ADAMTS6: variants seen among roughly 807,000 people sequenced by gnomAD.
ADAMTS6 encodes A disintegrin and metalloproteinase with thrombospondin motifs 6.
ADAMTS6 carries 23 observed loss-of-function variants against 144.3 expected under a neutral mutation model. That is an observed-to-expected ratio of 0.16 (90% CI 0.11 to 0.23). The LOEUF is 0.23. ADAMTS6 is among the 10% of genes least tolerant of loss of function. ADAMTS6 has a pLI of 1.00. For missense variants in ADAMTS6, 999 were observed against 1,379.6 expected (o/e 0.72, Z 4.37); for synonymous variants, 444 against 457.5 (o/e 0.97, Z 0.38).
intron 7 of ADAMTS6, among the ~76,000 whole-genome samples, chr5:65,433,809 G>A (rs1757180046): frequency 6.6e-6 from 1 of 152,138 alleles, no homozygotes; most frequent in Non-Finnish European, 1.5e-5. Context: ...AATTTCTGGT[G>A]GTAATGTAAA....
intron 7 of ADAMTS6, among the ~76,000 whole-genome samples, chr5:65,429,719 T>TA (rs1756846437): frequency 6.6e-6 from 1 of 152,002 alleles, no homozygotes; most frequent in African/African-American, 2.4e-5. Flanking sequence ...AGTACAGCAT[T>TA]AAAATTAAAT....
chr5:65,360,655 G>A (rs1348050026), intron 7 of ADAMTS6, among the ~76,000 whole-genome samples: 1 of 151,830 alleles, frequency 6.6e-6, no homozygotes, highest in African/African-American at 2.4e-5. Context: ...ATTGTAGATT[G>A]AAGGCAATAT....
rs899739657 is a variant in ADAMTS6, at chr5:65,226,225, C to A, written c.1934-6G>T. The A allele has an allele frequency of 6.2e-7, 1 of 1,611,854 alleles. No homozygotes were observed. Among genetic ancestry groups the A allele is most frequent in the Non-Finnish European group, 8.5e-7 (1 of 1,178,724 alleles). ...TGCACAAGGTTTTACCCCACCTGGA[C>A]AAATACAGTAGAAGAGAAATAAGTG... On this transcript the variant is annotated splice_polypyrimidine_tract_variant and splice_region_variant and intron_variant, in intron 15 of 24. Coordinates refer to ENST00000381055, the MANE Select transcript of ADAMTS6 (RefSeq NM_197941.4).
At chr5:65,388,105 G>C (rs1241371950) in intron 7 of ADAMTS6, among the ~76,000 whole-genome samples, 1 of 152,102 alleles carries the variant, frequency 6.6e-6, no homozygotes, top group Non-Finnish European at 1.5e-5. Flanking sequence ...AGCTATTCGG[G>C]AGGATGAGAC....
At chr5:65,257,674 A>G (rs546244107) in intron 14 of ADAMTS6, among the ~76,000 whole-genome samples, 2 of 152,328 alleles carry the variant, frequency 1.3e-5, no homozygotes, top group East Asian at 3.9e-4. Context: ...CACACTTCTT[A>G]GCCTCTAGGC....
intron 14 of ADAMTS6, among the ~76,000 whole-genome samples, chr5:65,256,961 TTCTCTCTCTC>T (rs55933758): frequency 5.1e-5 from 6 of 118,040 alleles, no homozygotes; most frequent in African/African-American, 7.7e-5. Flanking sequence ...GGGTCACTTT[TTCTCTCTCTC>T]TCTCTCTCTC....
At chr5:65,285,046 G>A (rs1036144066) in intron 11 of ADAMTS6, among the ~76,000 whole-genome samples, 14 of 152,020 alleles carry the variant, frequency 9.2e-5, no homozygotes, top group Non-Finnish European at 2.1e-4. Flanking sequence ...GTGTTTGGAG[G>A]GCAAGAGAAA....
intron 12 of ADAMTS6, among the ~76,000 whole-genome samples, chr5:65,267,439 T>C (rs1470987738): frequency 6.6e-6 from 1 of 152,104 alleles, no homozygotes; most frequent in Non-Finnish European, 1.5e-5. Flanking sequence ...AATCTTATAT[T>C]GTTCATTATT....
intron 7 of ADAMTS6, among the ~76,000 whole-genome samples, chr5:65,408,365 C>T (rs1754755471): frequency 6.6e-6 from 1 of 152,104 alleles, no homozygotes. Flanking sequence ...TCTGATAAAA[C>T]AGACTTTAAA....
chr5:65,275,662 A>AAAGTAAAATAAAAACAAATAAAT (rs1161600005), intron 11 of ADAMTS6, among the ~76,000 whole-genome samples: 1 of 151,866 alleles, frequency 6.6e-6, no homozygotes, highest in African/African-American at 2.4e-5. Flanking sequence ...CCCAGAACTT[A>AAAGTAAAATAAAAACAAATAAAT]AAGTAAAATA....
chr5:65,313,517 A>C (rs1744704363), intron 9 of ADAMTS6, among the ~76,000 whole-genome samples: 1 of 152,052 alleles, frequency 6.6e-6, no homozygotes, highest in African/African-American at 2.4e-5. Flanking sequence ...CCTGACCAAA[A>C]TTTAGTATTT....
chr5:65,469,686 G>A (rs1760285416), intron 3 of ADAMTS6, among the ~76,000 whole-genome samples: 2 of 152,188 alleles, frequency 1.3e-5, no homozygotes, highest in Non-Finnish European at 2.9e-5. Context: ...GACAATTGGA[G>A]CACATTCCTA....
intron 7 of ADAMTS6, among the ~76,000 whole-genome samples, chr5:65,429,941 A>C (rs1391323470): frequency 6.6e-6 from 1 of 152,154 alleles, no homozygotes; most frequent in Non-Finnish European, 1.5e-5. Context: ...CTTAACAATT[A>C]AGGTGTACCA....
chr5:65,188,828 T>G (rs962911487), intron 21 of ADAMTS6, among the ~76,000 whole-genome samples: 1 of 152,210 alleles, frequency 6.6e-6, no homozygotes, highest in East Asian at 1.9e-4. Flanking sequence ...GTAGGTATTT[T>G]TATTATTATC....
At chr5:65,213,816 G>T (rs1005423223) in intron 20 of ADAMTS6, among the ~76,000 whole-genome samples, 4 of 152,042 alleles carry the variant, frequency 2.6e-5, no homozygotes, top group Non-Finnish European at 4.4e-5. Flanking sequence ...AAGGAGTATA[G>T]GTAATGTATT....
chr5:65,150,840 T>G lies in ADAMTS6; in HGVS notation c.*996A>C, dbSNP rs1561224217. 6.6e-6 allele frequency: 1 copy of G among 152,616 alleles called. No individual in the cohort carries two copies. 9.5% of individuals were successfully genotyped at this position (152,616 alleles called of 1,614,324 possible). A position where few individuals can be genotyped will look rare whatever the true frequency, so the allele number is the denominator to read the frequency against. Reference sequence around the variant, plus strand: ...CCGAGCCAGTCTATCTTTTGCATGGTATCATCTCAGTAAGCTCAACACACG... The same window carrying G: ...CCGAGCCAGTCTATCTTTTGCATGGGATCATCTCAGTAAGCTCAACACACG... On this transcript the variant is annotated 3_prime_UTR_variant, in exon 25 of 25. Transcript: ENST00000381055.
At chr5:65,187,937 G>C (rs1386721410) in intron 22 of ADAMTS6, 79 bp downstream of exon 22, 5 of 1,387,278 alleles carry the variant, frequency 3.6e-6, no homozygotes, top group Non-Finnish European at 5.0e-6. Context: ...AGATGTTCAG[G>C]TGTCCTTAAT....
At chr5:65,247,042 T>C (rs888276602) in intron 14 of ADAMTS6, among the ~76,000 whole-genome samples, 53 of 152,166 alleles carry the variant, frequency 3.5e-4, no homozygotes, top group African/African-American at 1.2e-3. Context: ...CAGAAAGCAG[T>C]GGGCATAAGC....
intron 10 of ADAMTS6, among the ~76,000 whole-genome samples, chr5:65,299,532 T>C (rs555540599): frequency 3.9e-5 from 6 of 152,304 alleles, no homozygotes; most frequent in Admixed American, 3.9e-4. Context: ...CAAAAACAAA[T>C]CTTTTTCTCA....
Sources: gnomAD v4.1 joint callset for allele counts (sites outside exome capture counted in the v4.1 genomes callset) on GRCh38, gnomAD v4.1.1 for gene constraint, MANE v1.5 for transcripts, NCBI Gene and HGNC (gene_info 2026-07-23, HGNC 2026-07-21) for gene names.